Variants in TCERG1L observed in about 807,000 individuals in gnomAD.
TCERG1L encodes transcription elongation regulator 1 like.
A neutral mutation model predicts 56.3 loss-of-function variants in TCERG1L; 37 were observed. That is an observed-to-expected ratio of 0.66 (90% CI 0.51 to 0.87). The LOEUF is 0.87. Ranked by LOEUF, TCERG1L falls within the 40% of genes least tolerant of loss-of-function variation. TCERG1L has a pLI of 0.00. For missense variants in TCERG1L, 799 were observed against 774.2 expected (o/e 1.03, Z -0.38); for synonymous variants, 324 against 326.3 (o/e 0.99, Z 0.08).
intron 4 of TCERG1L, among the ~76,000 whole-genome samples, chr10:131,220,894 A>G (rs950058208): frequency 2.6e-5 from 4 of 152,172 alleles, no homozygotes; most frequent in Non-Finnish European, 5.9e-5. Context: ...GTGTGGTCTT[A>G]GTTCTGCCTT....
chr10:131,245,111 C>A (rs968723980), intron 4 of TCERG1L, among the ~76,000 whole-genome samples: 1 of 152,228 alleles, frequency 6.6e-6, no homozygotes. Flanking sequence ...GGCCACAGAT[C>A]TTGGCTGATG....
intron 4 of TCERG1L, among the ~76,000 whole-genome samples, chr10:131,217,060 G>A (rs1368191265): frequency 6.6e-6 from 1 of 152,154 alleles, no homozygotes; most frequent in African/African-American, 2.4e-5. Context: ...GGTGGTGGAC[G>A]CAGTAGAACA....
At chr10:131,105,476 T>C (rs1172806549) in intron 9 of TCERG1L, among the ~76,000 whole-genome samples, 2 of 152,208 alleles carry the variant, frequency 1.3e-5, no homozygotes, top group South Asian at 2.1e-4. Flanking sequence ...ACATTACTTA[T>C]GTACTCAATC....
At chr10:131,231,724 G>A (rs1426231568) in intron 4 of TCERG1L, among the ~76,000 whole-genome samples, 1 of 152,184 alleles carries the variant, frequency 6.6e-6, no homozygotes, top group Non-Finnish European at 1.5e-5. Flanking sequence ...GCACGTGGGG[G>A]GAAGTCAGTG....
chr10:131,207,852 T>A (rs748265), intron 4 of TCERG1L, among the ~76,000 whole-genome samples: 1 of 152,002 alleles, frequency 6.6e-6, no homozygotes, highest in South Asian at 2.1e-4. Flanking sequence ...AGGACAAGCA[T>A]CATGGAAAGA....
At chr10:131,116,020 G>A (rs1722080621) in intron 9 of TCERG1L, among the ~76,000 whole-genome samples, 1 of 152,180 alleles carries the variant, frequency 6.6e-6, no homozygotes, top group Non-Finnish European at 1.5e-5. Flanking sequence ...AAGGCCATTT[G>A]CGTGTTCATT....
chr10:131,221,583 G>A (rs1350624977), intron 4 of TCERG1L, among the ~76,000 whole-genome samples: 2 of 152,182 alleles, frequency 1.3e-5, no homozygotes, highest in South Asian at 2.1e-4. Flanking sequence ...AAGATAACAC[G>A]CTTTTTAAAG....
chr10:131,167,388 T>C (rs976982272), intron 4 of TCERG1L, among the ~76,000 whole-genome samples: 1 of 152,094 alleles, frequency 6.6e-6, no homozygotes, highest in Non-Finnish European at 1.5e-5. Context: ...CTCTCTCGCA[T>C]TGTGGGGCCC....
intron 4 of TCERG1L, among the ~76,000 whole-genome samples, chr10:131,198,824 TG>T (rs57749410): frequency 1 from 151,980 of 152,340 alleles, 75,810 homozygotes; most frequent in Non-Finnish European, 1. Flanking sequence ...CTTTTGCATC[TG>T]GGGTGGAAGA....
At chr10:131,256,984 GGAAGGAAGGAAAGAAAGAAAGAAAGAAA>G (rs1430350384) in intron 4 of TCERG1L, among the ~76,000 whole-genome samples, 88 of 88,758 alleles carry the variant, frequency 9.9e-4, no homozygotes, top group Non-Finnish European at 1.3e-3. Context: ...AAGGAAGGAA[GGAAGGAAGGAAAGAAAGAAAGAAAGAAA>G]GAAAGAAAGA....
intron 8 of TCERG1L, among the ~76,000 whole-genome samples, chr10:131,127,383 C>T (rs935631315): frequency 6.6e-6 from 1 of 152,218 alleles, no homozygotes; most frequent in East Asian, 1.9e-4. Flanking sequence ...GAGCAGCATT[C>T]CCAGGCCAGG....
chr10:131,124,215 G>A (rs942014144), intron 8 of TCERG1L, among the ~76,000 whole-genome samples: 3 of 152,148 alleles, frequency 2.0e-5, no homozygotes, highest in African/African-American at 7.2e-5. Context: ...TGTAATTACA[G>A]GACCCGCTGC....
At chr10:131,298,665 C>T (rs529967338) in intron 3 of TCERG1L, among the ~76,000 whole-genome samples, 3 of 152,314 alleles carry the variant, frequency 2.0e-5, no homozygotes, top group South Asian at 4.2e-4. Flanking sequence ...CTGCCCAGCT[C>T]GGCCTCCCAA....
In TCERG1L at chr10:131,103,205, G is replaced by A. The variant is rs1202173036; in HGVS notation, c.1485+1060C>T. 1.3e-5 allele frequency among the ~76,000 whole-genome samples: 2 copies of A among 151,882 alleles called. No individual in the cohort carries two copies. Among genetic ancestry groups the A allele is most frequent in the African/African-American group, 2.4e-5 (1 of 41,342 alleles). On this transcript the variant is annotated intron_variant, in intron 10 of 11. Transcript: ENST00000368642. This position sits in a 1 kb window ranked among gnomAD's most constrained non-coding sequence, Gnocchi z 4.3. The stretch of plus-strand genomic sequence containing the variant: ...TTGCAATGGGAATACACATGCCATC[G>A]TAAATGACAAGAATATTCAGGGAGG...
chr10:131,283,227 C>A (rs1370857988), intron 3 of TCERG1L, among the ~76,000 whole-genome samples: 1 of 152,190 alleles, frequency 6.6e-6, no homozygotes, highest in Non-Finnish European at 1.5e-5. Context: ...GCTGATCAGG[C>A]CTCCAAGAAG....
At chr10:131,265,023 G>C (rs1846271561) in intron 3 of TCERG1L, among the ~76,000 whole-genome samples, 1 of 152,152 alleles carries the variant, frequency 6.6e-6, no homozygotes, top group African/African-American at 2.4e-5. Flanking sequence ...CCTTAATTAA[G>C]AAGACAGGAC....
At position 131,112,610 on chromosome 10, in the gene TCERG1L, G is replaced by A. The variant is rs1173232713; in HGVS notation, c.1395+4189C>T. Among the ~76,000 whole-genome samples the A allele has an allele frequency of 2.8e-5, 4 of 142,330 alleles. No individual in the cohort carries two copies. The East Asian group carries it at 7.2e-4, about 26-fold the overall frequency. 93.4% of individuals were successfully genotyped at this position (142,330 alleles called of 152,430 possible). On this transcript the variant is annotated intron_variant, in intron 9 of 11. Coordinates refer to ENST00000368642, the MANE Select transcript of TCERG1L (RefSeq NM_174937.4). ...TGTGGCTGCTCCAGAGTCCCCGACC[G>A]TCAAAAACGCGGCAGCCCAGGGTGG...
At chr10:131,204,750 G>A (rs75274959) in intron 4 of TCERG1L, among the ~76,000 whole-genome samples, 1,730 of 152,338 alleles carry the variant, frequency 0.011, 39 homozygotes, top group African/African-American at 0.039. Flanking sequence ...GAGAGGCCCC[G>A]ATGGCAGTGG....
intron 9 of TCERG1L, among the ~76,000 whole-genome samples, chr10:131,106,710 T>G (rs1419411052): frequency 6.6e-6 from 1 of 152,126 alleles, no homozygotes. Flanking sequence ...GATGAATACC[T>G]GGGCAGGGTC....
Sources: allele counts gnomAD v4.1 joint callset (sites outside exome capture counted in the v4.1 genomes callset), GRCh38; gene constraint gnomAD v4.1.1; non-coding constraint Gnocchi (gnomAD v3.1); transcripts MANE v1.5; gene names NCBI Gene and HGNC (gene_info 2026-07-23, HGNC 2026-07-21).